Variants in NDUFS4 observed in about 807,000 individuals in gnomAD.
The protein encoded by NDUFS4 is NADH dehydrogenase [ubiquinone] iron-sulfur protein 4, mitochondrial.
A neutral mutation model predicts 24.3 loss-of-function variants in NDUFS4; 28 were observed. The ratio of observed to expected loss-of-function variants is 1.15; its 90% CI spans 0.85 to 1.58. NDUFS4 has a LOEUF of 1.58. Among genes scored for constraint, NDUFS4 ranks in the 40% most tolerant of loss-of-function variants. The pLI is 0.00. For missense variants in NDUFS4, 223 were observed against 207.9 expected (o/e 1.07, Z -0.45); for synonymous variants, 93 against 69.7 (o/e 1.34, Z -1.67).
chr5:53,579,093 C>T (rs990710465), intron 1 of NDUFS4, among the ~76,000 whole-genome samples: 9 of 152,114 alleles, frequency 5.9e-5, no homozygotes, highest in Admixed American at 5.9e-4. Flanking sequence ...TCTTACGTGA[C>T]CTTTACCATC....
intron 3 of NDUFS4, among the ~76,000 whole-genome samples, chr5:53,653,420 T>C (rs1752074794): frequency 6.6e-6 from 1 of 152,220 alleles, no homozygotes; most frequent in African/African-American, 2.4e-5. Context: ...TACACTGTTC[T>C]AACACATTGC....
At chr5:53,631,772 C>T (rs1467619681) in intron 2 of NDUFS4, among the ~76,000 whole-genome samples, 5 of 152,228 alleles carry the variant, frequency 3.3e-5, no homozygotes, top group Non-Finnish European at 5.9e-5. Context: ...GCTGCGCTAG[C>T]CATGAGAATT....
At chr5:53,593,772 T>C (rs929355673) in intron 1 of NDUFS4, among the ~76,000 whole-genome samples, 1 of 152,060 alleles carries the variant, frequency 6.6e-6, no homozygotes, top group Non-Finnish European at 1.5e-5. Context: ...GTTCAAAATA[T>C]TTTAAAATTT....
chr5:53,642,147 A>G (rs1046570714), intron 2 of NDUFS4, among the ~76,000 whole-genome samples: 17 of 152,244 alleles, frequency 1.1e-4, no homozygotes, highest in African/African-American at 3.4e-4. Context: ...GTTAAGGTTA[A>G]GTGGGTGGGG....
At chr5:53,659,223 T>C (rs1179418432) in intron 4 of NDUFS4, among the ~76,000 whole-genome samples, 1 of 152,252 alleles carries the variant, frequency 6.6e-6, no homozygotes, top group Middle Eastern at 3.4e-3. Context: ...CTAACATCAT[T>C]GGGTTATGTT....
intron 2 of NDUFS4, among the ~76,000 whole-genome samples, chr5:53,612,661 C>T (rs1199618470): frequency 6.6e-6 from 1 of 152,012 alleles, no homozygotes; most frequent in East Asian, 1.9e-4. Flanking sequence ...TTAAACAGCA[C>T]TTAAGCTTTG....
chr5:53,682,454 G>C (rs1362425618), intron 4 of NDUFS4, among the ~76,000 whole-genome samples: 1 of 151,818 alleles, frequency 6.6e-6, no homozygotes, highest in African/African-American at 2.4e-5. Context: ...TGATCTAGTG[G>C]GCCTTTGGTC....
intron 1 of NDUFS4, among the ~76,000 whole-genome samples, chr5:53,579,133 AT>A (rs1252072285): frequency 6.6e-6 from 1 of 152,170 alleles, no homozygotes; most frequent in Non-Finnish European, 1.5e-5. Flanking sequence ...TTCTTGAAAG[AT>A]TCTTCCCTTG....
intron 1 of NDUFS4, among the ~76,000 whole-genome samples, chr5:53,571,929 C>A (rs1184044844): frequency 6.6e-6 from 1 of 152,038 alleles, no homozygotes; most frequent in Non-Finnish European, 1.5e-5. Context: ...GATACAAATT[C>A]TTTGTCATGT....
At position 53,598,645 on chromosome 5, in the gene NDUFS4, C is replaced by T. The variant is rs77018760; in HGVS notation, c.99-4807C>T. 5.3e-4 allele frequency among the ~76,000 whole-genome samples: 80 copies of T among 152,144 alleles called. No individual in the cohort carries two copies. In the East Asian group the frequency reaches 0.014, roughly 27 times the overall value. Reference sequence around the variant, plus strand: ...TAAATATACTGATAAAAATTTATCTCATATTGTTATCAAGCTGTATGTAAA... The same window carrying T: ...TAAATATACTGATAAAAATTTATCTTATATTGTTATCAAGCTGTATGTAAA... On this transcript the variant is annotated intron_variant, in intron 1 of 4. Transcript: ENST00000296684.
At chr5:53,564,753 C>G (rs1244251642) in intron 1 of NDUFS4, among the ~76,000 whole-genome samples, 1 of 152,102 alleles carries the variant, frequency 6.6e-6, no homozygotes, top group Non-Finnish European at 1.5e-5. Flanking sequence ...TGGTCTTGAA[C>G]ACCTGACCCC....
At chr5:53,619,819 C>T (rs1013138623) in intron 2 of NDUFS4, among the ~76,000 whole-genome samples, 9 of 151,982 alleles carry the variant, frequency 5.9e-5, no homozygotes, top group East Asian at 1.9e-4. Flanking sequence ...TAATTATAAA[C>T]GAATGTATAA....
intron 1 of NDUFS4, among the ~76,000 whole-genome samples, chr5:53,598,597 A>G (rs1328244055): frequency 6.6e-6 from 1 of 152,192 alleles, no homozygotes; most frequent in African/African-American, 2.4e-5. Context: ...TTTCTCATCT[A>G]CAGCAAAAGA....
At chr5:53,668,663 G>A (rs2111565824) in intron 4 of NDUFS4, among the ~76,000 whole-genome samples, 2 of 132,342 alleles carry the variant, frequency 1.5e-5, no homozygotes, top group Middle Eastern at 8.6e-3. Context: ...GTTTTACCAT[G>A]TTGGCCAGGC....
intron 1 of NDUFS4, among the ~76,000 whole-genome samples, chr5:53,593,861 T>C (rs1354637636): frequency 6.6e-6 from 1 of 152,130 alleles, no homozygotes; most frequent in Non-Finnish European, 1.5e-5. Flanking sequence ...TTTCTAGTTT[T>C]CTGTTACTGA....
chr5:53,580,229 A>C (rs1353426188), intron 1 of NDUFS4, among the ~76,000 whole-genome samples: 3 of 152,222 alleles, frequency 2.0e-5, no homozygotes, highest in Non-Finnish European at 1.5e-5. Flanking sequence ...TAAGAAATTC[A>C]ACACATATAC....
At chr5:53,639,245 T>A (rs1440757452) in intron 2 of NDUFS4, among the ~76,000 whole-genome samples, 1 of 151,760 alleles carries the variant, frequency 6.6e-6, no homozygotes, top group Non-Finnish European at 1.5e-5. Context: ...ATTTTAATAC[T>A]TAGCAATTGT....
At chr5:53,563,300 A>G (rs912774178) in intron 1 of NDUFS4, among the ~76,000 whole-genome samples, 9 of 151,924 alleles carry the variant, frequency 5.9e-5, no homozygotes, top group African/African-American at 1.9e-4. Flanking sequence ...TATTAATTCA[A>G]TTATAGTATA....
At chr5:53,652,634 C>G (rs1416448874) in intron 3 of NDUFS4, among the ~76,000 whole-genome samples, 1 of 152,072 alleles carries the variant, frequency 6.6e-6, no homozygotes, top group Non-Finnish European at 1.5e-5. Context: ...TGTGTTTGAT[C>G]TTTGTTTTTA....
Sources: allele counts gnomAD v4.1 joint callset (sites outside exome capture counted in the v4.1 genomes callset), GRCh38; gene constraint gnomAD v4.1.1; transcripts MANE v1.5; gene names NCBI Gene and HGNC (gene_info 2026-07-23, HGNC 2026-07-21).